The following SNTG2 variants were observed in gnomAD, a reference collection of about 807,000 sequenced individuals.
SNTG2 encodes gamma-2-syntrophin.
Under a neutral mutation model 70.9 loss-of-function variants are expected in SNTG2, and 74 were observed. That is an observed-to-expected ratio of 1.04 (90% CI 0.86 to 1.27). The LOEUF (loss-of-function observed/expected upper bound fraction) is 1.27, where lower values mean the gene tolerates loss of function less well. Among genes scored for constraint, SNTG2 ranks in the 50% most tolerant of loss-of-function variants. The pLI is 0.00. For synonymous variants in SNTG2, 278 were observed against 273.8 expected (o/e 1.02, Z -0.15); for missense variants, 717 against 690.7 (o/e 1.04, Z -0.43).
intron 1 of SNTG2, among the ~76,000 whole-genome samples, chr2:1,078,476 G>T (rs1339981820): frequency 6.6e-6 from 1 of 152,136 alleles, no homozygotes; most frequent in Non-Finnish European, 1.5e-5. Flanking sequence ...GGCAGGTATG[G>T]CAGGATTGCA....
chr2:1,362,839 C>G (rs13382449), intron 16 of SNTG2, among the ~76,000 whole-genome samples: 101,711 of 141,624 alleles, frequency 0.72, 37,093 homozygotes, highest in East Asian at 0.94. Flanking sequence ...GTAGAACTTC[C>G]ATGGAAGTTA....
At chr2:1,270,136 G>C (rs780589625) in intron 14 of SNTG2, among the ~76,000 whole-genome samples, 3 of 152,108 alleles carry the variant, frequency 2.0e-5, no homozygotes, top group Non-Finnish European at 4.4e-5. Context: ...CTGTGTTTCA[G>C]GAACCCACCC....
At chr2:978,305 A>G (rs1428219679) in intron 1 of SNTG2, among the ~76,000 whole-genome samples, 1 of 152,228 alleles carries the variant, frequency 6.6e-6, no homozygotes, top group Admixed American at 6.5e-5. Context: ...GGAGAAAAGT[A>G]CATTAGTAAA....
intron 1 of SNTG2, among the ~76,000 whole-genome samples, chr2:994,888 A>G (rs894423444): frequency 2.0e-4 from 30 of 151,334 alleles, no homozygotes; most frequent in African/African-American, 7.0e-4. Context: ...ATATATAAAT[A>G]CAATTGGCTT....
intron 16 of SNTG2, among the ~76,000 whole-genome samples, chr2:1,340,674 G>C (rs1660039744): frequency 6.6e-6 from 1 of 152,102 alleles, no homozygotes; most frequent in Non-Finnish European, 1.5e-5. Flanking sequence ...TTCTAAAATT[G>C]AATGGTAGAA....
chr2:995,651 A>G (rs1314601412), intron 1 of SNTG2, among the ~76,000 whole-genome samples: 1 of 151,146 alleles, frequency 6.6e-6, no homozygotes, highest in East Asian at 1.9e-4. Context: ...AATATTTGGC[A>G]GAATTCACTA....
intron 16 of SNTG2, among the ~76,000 whole-genome samples, chr2:1,329,918 C>A (rs1659431432): frequency 6.6e-6 from 1 of 152,136 alleles, no homozygotes; most frequent in Non-Finnish European, 1.5e-5. Context: ...AAGAAAAGAG[C>A]ATTTCCAGGC....
intron 2 of SNTG2, among the ~76,000 whole-genome samples, chr2:1,093,309 A>G (rs535581284): frequency 1.3e-5 from 2 of 152,282 alleles, no homozygotes; most frequent in African/African-American, 4.8e-5. Flanking sequence ...TCTAGATATC[A>G]GCTAACAGAG....
chr2:1,258,847 A>C (rs375671326), intron 12 of SNTG2, among the ~76,000 whole-genome samples: 1 of 152,242 alleles, frequency 6.6e-6, no homozygotes, highest in African/African-American at 2.4e-5. Flanking sequence ...CGAAAAATGT[A>C]TTCAATTAAA....
chr2:1,052,794 G>T (rs1218851732), intron 1 of SNTG2, among the ~76,000 whole-genome samples: 1 of 152,196 alleles, frequency 6.6e-6, no homozygotes, highest in Admixed American at 6.5e-5. Flanking sequence ...TGAATGCTGG[G>T]TGGCCTACCC....
At chr2:1,132,195 G>GTGTGTATATATATGTGTATATATA (rs766431610) in intron 4 of SNTG2, among the ~76,000 whole-genome samples, 1 of 151,550 alleles carries the variant, frequency 6.6e-6, no homozygotes, top group African/African-American at 2.4e-5. Flanking sequence ...ATATATATGT[G>GTGTGTATATATATGTGTATATATA]TGTGTATATA....
rs186111223 is a variant in SNTG2 at position 1,325,092 on chromosome 2, G to A, written c.1488+8717G>A. Among the ~76,000 whole-genome samples the A allele has an allele frequency of 1.1e-3, 169 of 152,286 alleles. 1 individual carries two copies. Among genetic ancestry groups the A allele is most frequent in the Middle Eastern group, 3.4e-3 (1 of 294 alleles). ...TATTTACTGGCCCTATAAAGTCAACGTCAGTTCCTCAAGGCAGTCTGGTTA... is the reference window on the plus strand; with the variant it reads ...TATTTACTGGCCCTATAAAGTCAACATCAGTTCCTCAAGGCAGTCTGGTTA... On this transcript the variant is annotated intron_variant, in intron 16 of 16. Coordinates refer to ENST00000308624, the MANE Select transcript of SNTG2 (RefSeq NM_018968.4).
intron 2 of SNTG2, among the ~76,000 whole-genome samples, chr2:1,087,065 C>A (rs1408664735): frequency 1.3e-5 from 2 of 152,030 alleles, no homozygotes; most frequent in Admixed American, 1.3e-4. Context: ...TGCTAAGGAG[C>A]AGAAGGAGGG....
chr2:1,046,033 A>G (rs892355297), intron 1 of SNTG2, among the ~76,000 whole-genome samples: 1 of 152,090 alleles, frequency 6.6e-6, no homozygotes, highest in Non-Finnish European at 1.5e-5. Flanking sequence ...AACTTGTTTT[A>G]TGAATCTGGG....
intron 4 of SNTG2, among the ~76,000 whole-genome samples, chr2:1,128,519 C>T (rs1667839272): frequency 6.6e-6 from 1 of 152,088 alleles, no homozygotes; most frequent in Non-Finnish European, 1.5e-5. Flanking sequence ...CATTATTTCT[C>T]TTTCGTTTAA....
chr2:1,246,675 G>C (rs148561534), intron 11 of SNTG2, among the ~76,000 whole-genome samples: 1 of 152,140 alleles, frequency 6.6e-6, no homozygotes, highest in African/African-American at 2.4e-5. Flanking sequence ...CCTGGTACTT[G>C]CTACAAAATA....
intron 6 of SNTG2, among the ~76,000 whole-genome samples, chr2:1,138,190 T>G (rs1668518252): frequency 6.6e-6 from 1 of 152,222 alleles, no homozygotes; most frequent in African/African-American, 2.4e-5. Context: ...GCCCGGGCGC[T>G]GGAGCCTGCA....
intron 1 of SNTG2, among the ~76,000 whole-genome samples, chr2:1,025,160 G>A (rs1198864499): frequency 6.6e-6 from 1 of 152,218 alleles, no homozygotes; most frequent in African/African-American, 2.4e-5. Context: ...TTCCCCTAGG[G>A]ATGATGAGTA....
At chr2:1,216,314 A>G (rs1038196984) in intron 9 of SNTG2, among the ~76,000 whole-genome samples, 18 of 152,198 alleles carry the variant, frequency 1.2e-4, no homozygotes, top group African/African-American at 4.1e-4. Context: ...AGTGATGATG[A>G]GCATTTTTTC....
Sources: gnomAD v4.1 joint callset for allele counts (sites outside exome capture counted in the v4.1 genomes callset) on GRCh38, gnomAD v4.1.1 for gene constraint, MANE v1.5 for transcripts, NCBI Gene and HGNC (gene_info 2026-07-23, HGNC 2026-07-21) for gene names.